PPARGC1A: variants seen among roughly 807,000 people sequenced by gnomAD.
The protein encoded by PPARGC1A is PPARG coactivator 1 alpha.
PPARGC1A carries 25 observed loss-of-function variants against 88.7 expected under a neutral mutation model. The observed-to-expected ratio is 0.28, with a 90% CI of 0.21 to 0.39. The LOEUF is 0.39. PPARGC1A is among the 10% of genes least tolerant of loss of function. The pLI, the probability that PPARGC1A is intolerant of heterozygous loss-of-function variation, is 1.00. For missense variants in PPARGC1A, 880 were observed against 968.7 expected (o/e 0.91, Z 1.22); for synonymous variants, 363 against 355.6 (o/e 1.02, Z -0.24).
chr4:23,916,131 C>A, the PPARGC1A span, among the ~76,000 whole-genome samples: 6 of 152,086 alleles, frequency 3.9e-5, no homozygotes, highest in Non-Finnish European at 7.4e-5. Flanking sequence ...GTAAGTAAAT[C>A]AACTATATAA....
chr4:23,935,867 C>T, the PPARGC1A span, among the ~76,000 whole-genome samples: 1 of 151,642 alleles, frequency 6.6e-6, no homozygotes, highest in African/African-American at 2.4e-5. Flanking sequence ...AACAGTAAGA[C>T]ATGAACCTTA....
At chr4:23,873,194 T>A (rs1713839423) in intron 2 of PPARGC1A, among the ~76,000 whole-genome samples, 1 of 44,224 alleles carries the variant, frequency 2.3e-5, no homozygotes, top group Admixed American at 2.3e-4. Flanking sequence ...CGAGACTCCG[T>A]CTCAAAAATA....
chr4:24,340,106 T>C, the PPARGC1A span, among the ~76,000 whole-genome samples: 1 of 152,206 alleles, frequency 6.6e-6, no homozygotes, highest in African/African-American at 2.4e-5. Context: ...CTAATGTGTA[T>C]TGAGAACACA....
the PPARGC1A span, among the ~76,000 whole-genome samples, chr4:24,382,353 A>G: frequency 6.6e-6 from 1 of 152,226 alleles, no homozygotes; most frequent in African/African-American, 2.4e-5. Context: ...GCTGTGTTGC[A>G]AGAATGAAGG....
the PPARGC1A span, among the ~76,000 whole-genome samples, chr4:24,179,818 TTTTA>T: frequency 1.3e-5 from 2 of 152,218 alleles, no homozygotes; most frequent in Non-Finnish European, 1.5e-5. Flanking sequence ...CTGATATGTT[TTTTA>T]TTTGTTACAG....
chr4:24,114,291 A>G, the PPARGC1A span, among the ~76,000 whole-genome samples: 7 of 152,212 alleles, frequency 4.6e-5, no homozygotes, highest in South Asian at 6.2e-4. Context: ...AGCGGAAACT[A>G]TATTTCTAAC....
At chr4:24,061,062 AAAAG>A in the PPARGC1A span, among the ~76,000 whole-genome samples, 109 of 152,282 alleles carry the variant, frequency 7.2e-4, no homozygotes, top group African/African-American at 2.3e-3. Flanking sequence ...TCTGGAAAAA[AAAAG>A]AAAAGAAAAG....
At chr4:24,353,895 T>C in the PPARGC1A span, among the ~76,000 whole-genome samples, 32 of 152,180 alleles carry the variant, frequency 2.1e-4, 1 homozygote, top group Admixed American at 6.5e-5. Flanking sequence ...TAGGAAAACT[T>C]TGGACCAGGG....
the PPARGC1A span, among the ~76,000 whole-genome samples, chr4:24,268,644 A>G: frequency 4.3e-4 from 66 of 152,246 alleles, no homozygotes; most frequent in Non-Finnish European, 8.2e-4. Flanking sequence ...TCAGTTTTGC[A>G]TAAATCCAAA....
chr4:24,241,679 C>A, the PPARGC1A span, among the ~76,000 whole-genome samples: 3 of 152,196 alleles, frequency 2.0e-5, no homozygotes, highest in Admixed American at 6.5e-5. Context: ...GTCAATGGGA[C>A]GCCAAACATC....
At chr4:24,424,971 A>T in the PPARGC1A span, among the ~76,000 whole-genome samples, 3 of 152,214 alleles carry the variant, frequency 2.0e-5, no homozygotes, top group African/African-American at 7.2e-5. Flanking sequence ...ACCTCTGCAG[A>T]TTAATTTTCT....
chr4:23,949,549 T>C, the PPARGC1A span, among the ~76,000 whole-genome samples: 1 of 152,210 alleles, frequency 6.6e-6, no homozygotes, highest in Non-Finnish European at 1.5e-5. Context: ...AAATACGTCA[T>C]GTGATCACTC....
At chr4:24,406,216 G>A in the PPARGC1A span, among the ~76,000 whole-genome samples, 24 of 152,186 alleles carry the variant, frequency 1.6e-4, no homozygotes, top group Non-Finnish European at 2.9e-4. Flanking sequence ...TGGTTAGTAT[G>A]TTGAAGTTAA....
At chr4:24,273,616 G>A in the PPARGC1A span, among the ~76,000 whole-genome samples, 348 of 152,170 alleles carry the variant, frequency 2.3e-3, 3 homozygotes, top group African/African-American at 7.5e-3. Context: ...TGTCAGGGCT[G>A]GTTAGAGACA....
At chr4:24,303,861 A>G in the PPARGC1A span, among the ~76,000 whole-genome samples, 2 of 152,354 alleles carry the variant, frequency 1.3e-5, no homozygotes, top group South Asian at 2.1e-4. Flanking sequence ...GTCTGGTTTA[A>G]CTAAACTCTG....
the PPARGC1A span, among the ~76,000 whole-genome samples, chr4:23,972,947 G>C: frequency 6.6e-6 from 1 of 152,170 alleles, no homozygotes; most frequent in African/African-American, 2.4e-5. Context: ...GTGTGCCAGT[G>C]ATGTTAGTTT....
At chr4:24,338,167 G>C in the PPARGC1A span, among the ~76,000 whole-genome samples, 4 of 152,126 alleles carry the variant, frequency 2.6e-5, no homozygotes, top group African/African-American at 9.7e-5. Flanking sequence ...AATGCGATCA[G>C]AAATGATGAT....
At chr4:24,135,485 G>A in the PPARGC1A span, among the ~76,000 whole-genome samples, 1 of 152,006 alleles carries the variant, frequency 6.6e-6, no homozygotes, top group African/African-American at 2.4e-5. Context: ...ACAACTCTTT[G>A]GCATTTTCTC....
intron 2 of PPARGC1A, chr4:23,883,615 C>G (rs573776903): frequency 1.3e-5 from 2 of 152,212 alleles, no homozygotes; most frequent in Admixed American, 1.3e-4. Flanking sequence ...AACAATAGGA[C>G]CTAACAATAG....
Sources: gnomAD v4.1 joint callset for allele counts (sites outside exome capture counted in the v4.1 genomes callset) on GRCh38, gnomAD v4.1.1 for gene constraint, MANE v1.5 for transcripts, NCBI Gene and HGNC (gene_info 2026-07-23, HGNC 2026-07-21) for gene names.